Variants in WDR43 observed in about 807,000 individuals in gnomAD.
WDR43 encodes WD repeat-containing protein 43.
A neutral mutation model predicts 91.4 loss-of-function variants in WDR43; 13 were observed. The observed-to-expected ratio is 0.14, with a 90% confidence interval of 0.09 to 0.23. The LOEUF is 0.23. Ranked by LOEUF, WDR43 falls within the 10% of genes least tolerant of loss-of-function variation. The pLI is 1.00. For synonymous variants in WDR43, 331 were observed against 287.9 expected (o/e 1.15, Z -1.51); for missense variants, 780 against 809.4 (o/e 0.96, Z 0.44).
At chr2:28,896,013 A>C (rs1358529699) in intron 1 of WDR43, among the ~76,000 whole-genome samples, 2 of 152,208 alleles carry the variant, frequency 1.3e-5, no homozygotes, top group Non-Finnish European at 2.9e-5. Flanking sequence ...GATATTTTTC[A>C]AATTTTAAGC....
intron 3 of WDR43, among the ~76,000 whole-genome samples, chr2:28,908,605 T>C (rs997448290): frequency 1.2e-4 from 10 of 80,428 alleles, no homozygotes; most frequent in Non-Finnish European, 3.0e-4. Context: ...GCCTGTGAGG[T>C]GAACTTTAGC....
chr2:28,895,101 C>T (rs1024378290), intron 1 of WDR43, 178 bp downstream of exon 1: 3 of 541,866 alleles, frequency 5.5e-6, no homozygotes, highest in East Asian at 7.9e-5. Context: ...CGGCCTGCCG[C>T]GAGGGCAGTG....
intron 2 of WDR43, among the ~76,000 whole-genome samples, chr2:28,905,281 G>A (rs535481262): frequency 1.3e-5 from 2 of 152,346 alleles, no homozygotes; most frequent in African/African-American, 4.8e-5. Context: ...GGGTGATTTA[G>A]CACCTCATTC....
intron 11 of WDR43, among the ~76,000 whole-genome samples, chr2:28,935,131 T>G (rs1247100508): frequency 6.6e-6 from 1 of 152,192 alleles, no homozygotes; most frequent in Admixed American, 6.5e-5. Context: ...AAGGATTTCT[T>G]GCTTTCTAAG....
intron 5 of WDR43, among the ~76,000 whole-genome samples, chr2:28,915,790 G>T (rs1353003549): frequency 3.6e-5 from 4 of 111,882 alleles, no homozygotes; most frequent in Non-Finnish European, 5.9e-5. Flanking sequence ...ATCTTCTATT[G>T]ATTGGTTAAG....
chr2:28,940,111 CA>C lies in WDR43; in HGVS notation c.1621-1332del, dbSNP rs369746530. 5.6e-3 allele frequency among the ~76,000 whole-genome samples: 581 copies of C among 103,304 alleles called. 4 individuals are homozygous for C. The highest frequency in any genetic ancestry group is 0.018 in the African/African-American group (467 of 25,876). 67.8% of individuals were successfully genotyped at this position (103,304 alleles called of 152,430 possible). A position where few individuals can be genotyped will look rare whatever the true frequency, so the allele number is the denominator to read the frequency against. The stretch of plus-strand genomic sequence containing the variant: ...TGGGCGACAGAGCGAGACTCCGTCT[CA>C]AAAAAAAAAAAAAAAAAGAATGGAG... On this transcript the variant is annotated intron_variant, in intron 14 of 17. Transcript: ENST00000407426.
chr2:28,926,780 T>C (rs965929618), intron 9 of WDR43, among the ~76,000 whole-genome samples: 1 of 152,154 alleles, frequency 6.6e-6, no homozygotes, highest in Admixed American at 6.5e-5. Context: ...TTGGATGTGG[T>C]TCTTCCCTGC....
chr2:28,915,149 C>A (rs1383853077), intron 5 of WDR43, among the ~76,000 whole-genome samples: 5 of 152,090 alleles, frequency 3.3e-5, no homozygotes, highest in African/African-American at 1.2e-4. Context: ...TGGGACTCAT[C>A]CAATATGTAT....
chr2:28,944,537 A>G (rs1366249313), intron 16 of WDR43, among the ~76,000 whole-genome samples: 1 of 152,238 alleles, frequency 6.6e-6, no homozygotes, highest in Non-Finnish European at 1.5e-5. Flanking sequence ...TAATTAAGAA[A>G]AAGACTTGTG....
rs1131881 is a variant in WDR43, at chr2:28,947,847, G to A, written c.*1068G>A. On this transcript the variant is annotated 3_prime_UTR_variant, in exon 18 of 18. Transcript: ENST00000407426. ...ATTTTGGTGTGCTACAAAAGCCTTT[G>A]CAAATTATCAGTAGTAGTTTTTTTT... 457 of 135,326 alleles carry A rather than the reference G, an allele frequency of 3.4e-3. 1 individual carries two copies. The highest frequency in any genetic ancestry group is 0.012 in the African/African-American group (420 of 36,144). 8.4% of individuals were successfully genotyped at this position (135,326 alleles called of 1,614,324 possible).
chr2:28,920,541 CTTTA>C (rs1255206437), intron 6 of WDR43, among the ~76,000 whole-genome samples: 13 of 151,754 alleles, frequency 8.6e-5, no homozygotes, highest in Admixed American at 8.5e-4. Flanking sequence ...AGTTTTAAAC[CTTTA>C]TTTGTGTGTG....
rs1451482537 is a variant in WDR43 at position 28,947,873 on chromosome 2, T to TTTTTG, written c.*1098_*1099insGTTTT. ...CAAATTATCAGTAGTAGTTTTTTTT[T>TTTTTG]TTTTTTTTTTTTTTTTAAAGAATGA... On this transcript the variant is annotated 3_prime_UTR_variant, in exon 18 of 18. Transcript: ENST00000407426. 2 of 147,770 alleles carry TTTTTG rather than the reference T, an allele frequency of 1.4e-5. No homozygotes were observed. The highest frequency in any genetic ancestry group is 4.9e-5 in the African/African-American group (2 of 40,774). 9.2% of individuals were successfully genotyped at this position (147,770 alleles called of 1,614,324 possible). A position where few individuals can be genotyped will look rare whatever the true frequency, so the allele number is the denominator to read the frequency against.
intron 3 of WDR43, among the ~76,000 whole-genome samples, chr2:28,907,525 A>G (rs1670705885): frequency 6.8e-6 from 1 of 146,846 alleles, no homozygotes; most frequent in African/African-American, 2.5e-5. Flanking sequence ...AAGTGGGAGG[A>G]TTGCTTGAGC....
chr2:28,900,985 C>T (rs950081359), intron 1 of WDR43, among the ~76,000 whole-genome samples: 9 of 152,236 alleles, frequency 5.9e-5, no homozygotes, highest in African/African-American at 2.2e-4. Context: ...GCACTGGTAA[C>T]GTTGTGGTTG....
chr2:28,937,848 T>A lies in WDR43; in HGVS notation c.1557-83T>A, dbSNP rs1226014735. ...CAGAGCAACATTTATAGACCTTCAC[T>A]TGTCTGTCTGGGTTTTCTAACAGCT... On this transcript the variant is annotated intron_variant, in intron 13 of 17. Coordinates refer to ENST00000407426, the MANE Select transcript of WDR43 (RefSeq NM_015131.3). 7 of 1,318,922 alleles carry A rather than the reference T, an allele frequency of 5.3e-6. No homozygotes were observed. In the East Asian group the frequency reaches 7.1e-5, roughly 13 times the overall value. The allele number at this position is 1,318,922 out of a possible 1,614,324, so 81.7% of individuals were successfully genotyped here.
At chr2:28,923,971 T>C (rs1463631522) in intron 7 of WDR43, among the ~76,000 whole-genome samples, 1 of 152,010 alleles carries the variant, frequency 6.6e-6, no homozygotes, top group Non-Finnish European at 1.5e-5. Flanking sequence ...AAGGCTAAAG[T>C]AGAGACCCCA....
In WDR43 at chr2:28,925,120, T is replaced by C. The variant is rs1242281213; in HGVS notation, c.1053T>C (p.Tyr351=). 2 of 1,613,920 alleles carry C rather than the reference T, an allele frequency of 1.2e-6. No individual in the cohort carries two copies. Among genetic ancestry groups the C allele is most frequent in the Non-Finnish European group, 1.7e-6 (2 of 1,179,832 alleles). ...ACAAAATGTCATTGTTGCTTGTATATGGCAGTTGGTTTCAGCCTACTATTG... is the reference window on the plus strand; with the variant it reads ...ACAAAATGTCATTGTTGCTTGTATACGGCAGTTGGTTTCAGCCTACTATTG... ...CSDKMSLLLV[Y]GSWFQPTIER... The change falls in exon 8 of 18, where the codon TAT becomes TAC. Residue 351 remains tyrosine (Y), a synonymous_variant. Transcript: ENST00000407426.
intron 7 of WDR43, 148 bp from the exon 8 acceptor site, chr2:28,924,834 G>A: frequency 1.2e-6 from 1 of 805,354 alleles, no homozygotes; most frequent in Non-Finnish European, 1.9e-6. Context: ...CTTGAAAGGA[G>A]TACTCATGCT....
chr2:28,918,642 T>C (rs927640231), intron 6 of WDR43, among the ~76,000 whole-genome samples: 1 of 152,316 alleles, frequency 6.6e-6, no homozygotes, highest in East Asian at 1.9e-4. Flanking sequence ...GTGCTGGGAT[T>C]ACAGGTGTGA....
Sources: allele counts gnomAD v4.1 joint callset (sites outside exome capture counted in the v4.1 genomes callset), GRCh38; gene constraint gnomAD v4.1.1; transcripts MANE v1.5; gene names NCBI Gene and HGNC (gene_info 2026-07-23, HGNC 2026-07-21).